The following AFG1L variants were observed in gnomAD, a reference collection of about 807,000 sequenced individuals.
AFG1L encodes AFG1 like ATPase.
Under a neutral mutation model 62.2 loss-of-function variants are expected in AFG1L, and 53 were observed. The observed-to-expected ratio is 0.85, with a 90% CI of 0.68 to 1.07. AFG1L has a LOEUF of 1.07. Among genes scored for constraint, AFG1L ranks in the 50% least tolerant of loss-of-function variants. AFG1L has a pLI of 0.00. For synonymous variants in AFG1L, 228 were observed against 210.3 expected (o/e 1.08, Z -0.73); for missense variants, 555 against 590.5 (o/e 0.94, Z 0.62).
intron 7 of AFG1L, among the ~76,000 whole-genome samples, chr6:108,446,424 A>G (rs1230855481): frequency 6.6e-6 from 1 of 151,606 alleles, no homozygotes; most frequent in East Asian, 1.9e-4. Flanking sequence ...TACCTACGAC[A>G]TCATTCTAGT....
intron 7 of AFG1L, among the ~76,000 whole-genome samples, chr6:108,412,445 C>G (rs1235023532): frequency 6.6e-6 from 1 of 152,082 alleles, no homozygotes; most frequent in African/African-American, 2.4e-5. Context: ...AGAAGAGCAA[C>G]TCCAAGACAC....
In AFG1L at chr6:108,323,845, G is replaced by C; in HGVS notation, c.160G>C (p.Glu54Gln). The C allele has an allele frequency of 6.2e-7, 1 of 1,614,016 alleles. No homozygotes were observed. The highest frequency in any genetic ancestry group is 8.5e-7 in the Non-Finnish European group (1 of 1,179,938). The part of the protein sequence containing the change: ...FWKAYTVQTS[E>Q]SMTPTATSET... The stretch of plus-strand genomic sequence containing the variant: ...TATAGCCTATACGGTTCAGACATCC[G>C]AGAGCATGACCCCAACTGCCACTTC... The change falls in exon 2 of 13, where the codon GAG becomes CAG. Residue 54 changes from glutamate to glutamine, a missense_variant. Transcript: ENST00000368977.
chr6:108,363,890 T>C (rs987640709), intron 5 of AFG1L, among the ~76,000 whole-genome samples: 2 of 152,212 alleles, frequency 1.3e-5, no homozygotes. Flanking sequence ...TGCATGCTTA[T>C]GTTTGTCACT....
At chr6:108,382,280 G>A (rs1780581806) in intron 6 of AFG1L, among the ~76,000 whole-genome samples, 1 of 152,098 alleles carries the variant, frequency 6.6e-6, no homozygotes, top group Non-Finnish European at 1.5e-5. Flanking sequence ...GATTACAGGT[G>A]TGAGCCACCG....
intron 10 of AFG1L, among the ~76,000 whole-genome samples, chr6:108,483,617 C>T (rs376106071): frequency 2.1e-4 from 32 of 152,248 alleles, no homozygotes; most frequent in East Asian, 9.6e-4. Context: ...CTGATAACTG[C>T]GCTCAAAAGT....
chr6:108,344,377 T>C (rs1300138574), intron 2 of AFG1L, among the ~76,000 whole-genome samples: 1 of 152,142 alleles, frequency 6.6e-6, no homozygotes, highest in Non-Finnish European at 1.5e-5. Flanking sequence ...CCTCCCAAAG[T>C]GCTAGGATTA....
intron 2 of AFG1L, among the ~76,000 whole-genome samples, chr6:108,325,300 A>G (rs1777994180): frequency 6.6e-6 from 1 of 151,856 alleles, no homozygotes; most frequent in South Asian, 2.1e-4. Context: ...TTCAATCCTC[A>G]TCTCTTTGGA....
chr6:108,476,667 A>G (rs1773116692), intron 8 of AFG1L, among the ~76,000 whole-genome samples, 198 bp from the exon 9 acceptor site: 1 of 152,228 alleles, frequency 6.6e-6, no homozygotes, highest in Non-Finnish European at 1.5e-5. Flanking sequence ...CTTTCAGTGT[A>G]TGCAAATAAG....
chr6:108,479,925 A>G (rs1428053534), intron 10 of AFG1L, among the ~76,000 whole-genome samples: 2 of 152,256 alleles, frequency 1.3e-5, no homozygotes, highest in Non-Finnish European at 2.9e-5. Flanking sequence ...TTAACAGTCC[A>G]TAATGACTAT....
At chr6:108,455,159 T>C (rs1406988424) in intron 8 of AFG1L, among the ~76,000 whole-genome samples, 4 of 152,138 alleles carry the variant, frequency 2.6e-5, no homozygotes, top group Admixed American at 2.6e-4. Context: ...TAAGAAATAA[T>C]CAGAAATGAA....
intron 8 of AFG1L, among the ~76,000 whole-genome samples, chr6:108,451,925 G>A (rs957170468): frequency 6.6e-6 from 1 of 152,032 alleles, no homozygotes; most frequent in African/African-American, 2.4e-5. Context: ...AGATTTGCCC[G>A]GCTGGTCTTG....
intron 7 of AFG1L, among the ~76,000 whole-genome samples, chr6:108,408,409 T>C (rs527246058): frequency 6.6e-6 from 1 of 152,338 alleles, no homozygotes; most frequent in South Asian, 2.1e-4. Flanking sequence ...CAATTTGTTA[T>C]TCAGCCAAAG....
chr6:108,446,071 C>CACAA (rs1771778439), intron 7 of AFG1L, among the ~76,000 whole-genome samples: 2 of 143,908 alleles, frequency 1.4e-5, no homozygotes, highest in Admixed American at 1.4e-4. Context: ...CACACACACA[C>CACAA]ACACACACAC....
In AFG1L at chr6:108,522,526, C is replaced by T; in HGVS notation, c.*101C>T. On this transcript the variant is annotated 3_prime_UTR_variant, in exon 13 of 13. Coordinates refer to ENST00000368977, the MANE Select transcript of AFG1L (RefSeq NM_145315.5). ...AATCATTTTCTCATCATTAATTATG[C>T]ACTTTGTCCTCTGGACCATTTTAAT... The T allele has an allele frequency of 1.5e-6, 2 of 1,315,548 alleles. No homozygotes were observed. Among genetic ancestry groups the T allele is most frequent in the Non-Finnish European group, 2.1e-6 (2 of 965,836 alleles). 81.5% of individuals were successfully genotyped at this position (1,315,548 alleles called of 1,614,324 possible). A position where few individuals can be genotyped will look rare whatever the true frequency, so the allele number is the denominator to read the frequency against.
intron 7 of AFG1L, among the ~76,000 whole-genome samples, chr6:108,434,589 G>T (rs1230193480): frequency 2.6e-5 from 4 of 152,138 alleles, no homozygotes. Flanking sequence ...ACTCAGCAAT[G>T]TTTATGCAGT....
intron 7 of AFG1L, among the ~76,000 whole-genome samples, chr6:108,414,340 G>A (rs948172378): frequency 6.6e-6 from 1 of 152,044 alleles, no homozygotes; most frequent in Non-Finnish European, 1.5e-5. Flanking sequence ...TTCTACCAGA[G>A]GTACAAAGAG....
intron 1 of AFG1L, among the ~76,000 whole-genome samples, chr6:108,300,169 G>A (rs1392063376): frequency 1.3e-5 from 2 of 149,934 alleles, no homozygotes; most frequent in Non-Finnish European, 3.0e-5. Flanking sequence ...TTTTTTTGAG[G>A]TGGAGTTTTG....
chr6:108,415,742 C>T (rs1770232667), intron 7 of AFG1L, among the ~76,000 whole-genome samples: 1 of 152,284 alleles, frequency 6.6e-6, no homozygotes, highest in South Asian at 2.1e-4. Context: ...AACTGGATCC[C>T]TTCCTTACAC....
At chr6:108,445,394 T>A (rs1157148355) in intron 7 of AFG1L, among the ~76,000 whole-genome samples, 3 of 152,204 alleles carry the variant, frequency 2.0e-5, no homozygotes, top group Admixed American at 1.3e-4. Flanking sequence ...TTCATTTCCT[T>A]CAAGAACTTT....
Sources: gnomAD v4.1 joint callset for allele counts (sites outside exome capture counted in the v4.1 genomes callset) on GRCh38, gnomAD v4.1.1 for gene constraint, MANE v1.5 for transcripts, NCBI Gene and HGNC (gene_info 2026-07-23, HGNC 2026-07-21) for gene names.